The following DSTN variants were observed in gnomAD, a reference collection of about 807,000 sequenced individuals.
The protein encoded by DSTN is destrin, actin depolymerizing factor, also known as destrin.
Under a neutral mutation model 16.8 loss-of-function variants are expected in DSTN, and 10 were observed. The observed-to-expected ratio is 0.60, with a 90% CI of 0.37 to 1.01. DSTN has a LOEUF of 1.01. Among genes scored for constraint, DSTN ranks in the 50% least tolerant of loss-of-function variants. The pLI, the probability that DSTN is intolerant of heterozygous loss-of-function variation, is 0.01. For missense variants in DSTN, 141 were observed against 196.7 expected, an observed-to-expected ratio of 0.72 and a Z score of 1.69; for synonymous variants, 57 against 58.9, an observed-to-expected ratio of 0.97 and a Z score of 0.14.
chr20:17,594,082 A>AAAATAAAT (rs59974407), intron 1 of DSTN, among the ~76,000 whole-genome samples: 40,675 of 145,360 alleles, frequency 0.28, 7,058 homozygotes, highest in East Asian at 0.64. Context: ...CCGTATCTCA[A>AAAATAAAT]AAATAAATAA....
chr20:17,572,584 A>T (rs747722001), intron 1 of DSTN, among the ~76,000 whole-genome samples: 6 of 152,144 alleles, frequency 3.9e-5, no homozygotes, highest in Non-Finnish European at 5.9e-5. Flanking sequence ...CCTTATCCTA[A>T]TCTGGACTGT....
Position 17,607,212 on chromosome 20 carries a change from C to T in DSTN, c.*66C>T. On this transcript the variant is annotated 3_prime_UTR_variant, in exon 4 of 4. Transcript: ENST00000246069. ...TTATCCTCTTGCTATATAAATAAAG[C>T]AAATATATTTAGGCCAGGGTCTCAC... is the stretch of plus-strand genomic sequence containing the variant. 6.7e-7 allele frequency: 1 copy of T among 1,484,198 alleles called. No homozygotes were observed. The highest frequency in any genetic ancestry group is 9.3e-7 in the Non-Finnish European group (1 of 1,079,000). 91.9% of individuals were successfully genotyped at this position (1,484,198 alleles called of 1,614,324 possible). A position where few individuals can be genotyped will look rare whatever the true frequency, so the allele number is the denominator to read the frequency against.
chr20:17,595,752 A>G (rs966011551), intron 1 of DSTN, among the ~76,000 whole-genome samples: 1 of 152,182 alleles, frequency 6.6e-6, no homozygotes, highest in African/African-American at 2.4e-5. Context: ...TAGTGATAGT[A>G]GCTGTCTCAT....
intron 1 of DSTN, among the ~76,000 whole-genome samples, chr20:17,581,878 A>AT (rs1336936185): frequency 6.6e-6 from 1 of 152,224 alleles, no homozygotes; most frequent in Admixed American, 6.5e-5. Flanking sequence ...ATTGTAGAAC[A>AT]TTAAGAAAAA....
rs1221726458 is a variant in DSTN, at chr20:17,609,356, A to T, written c.*2210A>T. The T allele has an allele frequency of 6.6e-6, 1 of 152,242 alleles. No individual in the cohort carries two copies. The highest frequency in any genetic ancestry group is 2.4e-5 in the African/African-American group (1 of 41,442). 9.4% of individuals were successfully genotyped at this position (152,242 alleles called of 1,614,324 possible). A position where few individuals can be genotyped will look rare whatever the true frequency, so the allele number is the denominator to read the frequency against. On this transcript the variant is annotated 3_prime_UTR_variant, in exon 4 of 4. Transcript: ENST00000246069. The stretch of plus-strand genomic sequence containing the variant: ...AGTGCTGTGATTACAGGTGTGAGCC[A>T]CTGTGTCCTGCTAGTGATTGTGATT...
At chr20:17,575,970 G>T (rs2035273775) in intron 1 of DSTN, among the ~76,000 whole-genome samples, 1 of 152,174 alleles carries the variant, frequency 6.6e-6, no homozygotes, top group Non-Finnish European at 1.5e-5. Context: ...TCCTTTCATT[G>T]ATGTTGGAAG....
intron 1 of DSTN, among the ~76,000 whole-genome samples, chr20:17,572,372 TAC>T (rs569357242): frequency 8.9e-4 from 136 of 152,336 alleles, no homozygotes; most frequent in African/African-American, 2.7e-3. Flanking sequence ...AGCCTCCTTA[TAC>T]AGAGATTGTT....
At chr20:17,570,927 T>A (rs2122150434) in intron 1 of DSTN, among the ~76,000 whole-genome samples, 1 of 152,316 alleles carries the variant, frequency 6.6e-6, no homozygotes, top group East Asian at 1.9e-4. Flanking sequence ...GAATTTTTTT[T>A]CTGACCTGTA....
At chr20:17,590,507 T>A (rs1291401403) in intron 1 of DSTN, among the ~76,000 whole-genome samples, 1 of 152,218 alleles carries the variant, frequency 6.6e-6, no homozygotes, top group East Asian at 1.9e-4. Flanking sequence ...GCAACTGTTC[T>A]CCAGTGGTCA....
chr20:17,600,948 G>T lies in DSTN; in HGVS notation c.214G>T (p.Val72Leu). The change falls in exon 2 of 4, where the codon GTG (valine) becomes TTG (leucine). Residue 72 changes from valine (V) to leucine (L), a missense_variant. Physicochemically the swap from Val to Leu is conservative, Grantham distance 32. Transcript: ENST00000246069. The stretch of plus-strand genomic sequence containing the variant: ...CATAACTGATCCTTTCAAGCATTTT[G>T]TGGGAATGCTTCCTGAAAAAGATTG... ...VTITDPFKHF[V>L]GMLPEKDCRY... The T allele has an allele frequency of 6.2e-7, 1 of 1,614,056 alleles. No homozygotes were observed.
At chr20:17,603,584 G>A (rs1011421722) in intron 2 of DSTN, among the ~76,000 whole-genome samples, 2 of 152,188 alleles carry the variant, frequency 1.3e-5, no homozygotes, top group African/African-American at 4.8e-5. Context: ...AAGGACCTCC[G>A]TGCAAGCAGT....
chr20:17,572,218 A>C (rs1251988332), intron 1 of DSTN, among the ~76,000 whole-genome samples: 1 of 152,232 alleles, frequency 6.6e-6, no homozygotes, highest in African/African-American at 2.4e-5. Context: ...GAAATAAAGC[A>C]GTTTGAAACC....
At chr20:17,575,369 T>C (rs562897973) in intron 1 of DSTN, among the ~76,000 whole-genome samples, 1 of 152,332 alleles carries the variant, frequency 6.6e-6, no homozygotes, top group South Asian at 2.1e-4. Flanking sequence ...AACAACACTC[T>C]AGTCTCTGAG....
chr20:17,604,876 G>C (rs1483055599), intron 3 of DSTN, among the ~76,000 whole-genome samples: 2 of 152,134 alleles, frequency 1.3e-5, no homozygotes, highest in Admixed American at 1.3e-4. Flanking sequence ...TATATATATC[G>C]TTTATTCAGG....
At position 17,604,458 on chromosome 20, in the gene DSTN, G is replaced by T. The variant is rs554730690; in HGVS notation, c.312-97G>T. ...AAAAAATATCTCAGGAGAGTCTGAG[G>T]ATTCTCAGCAAATGTTTACACAAGC... is the stretch of plus-strand genomic sequence containing the variant. On this transcript the variant is annotated intron_variant, in intron 2 of 3. Coordinates refer to ENST00000246069, the MANE Select transcript of DSTN (RefSeq NM_006870.4). 1.8e-5 allele frequency: 22 copies of T among 1,254,406 alleles called. No individual in the cohort carries two copies. The African/African-American group carries it at 3.0e-4, about 17-fold the overall frequency. The allele number at this position is 1,254,406 out of a possible 1,614,324, so 77.7% of individuals were successfully genotyped here. A position where few individuals can be genotyped will look rare whatever the true frequency, so the allele number is the denominator to read the frequency against.
chr20:17,587,353 A>G (rs915898004), intron 1 of DSTN, among the ~76,000 whole-genome samples: 15 of 151,830 alleles, frequency 9.9e-5, no homozygotes, highest in Non-Finnish European at 1.6e-4. Flanking sequence ...TGCATTCTCC[A>G]CCTCCTGGGC....
chr20:17,600,007 T>G (rs922023185), intron 1 of DSTN, among the ~76,000 whole-genome samples: 1 of 152,230 alleles, frequency 6.6e-6, no homozygotes, highest in Non-Finnish European at 1.5e-5. Flanking sequence ...AATTAAAAAC[T>G]GGTTTAAGAT....
At chr20:17,597,489 G>A (rs957037970) in intron 1 of DSTN, among the ~76,000 whole-genome samples, 5 of 152,072 alleles carry the variant, frequency 3.3e-5, no homozygotes, top group African/African-American at 1.2e-4. Flanking sequence ...TAAATGTATG[G>A]GGGTACAAGT....
intron 1 of DSTN, among the ~76,000 whole-genome samples, chr20:17,598,224 A>T (rs73258694): frequency 0.055 from 8,293 of 150,666 alleles, 305 homozygotes; most frequent in East Asian, 0.12. Context: ...TGGAATTCCT[A>T]GGTCAGGTGT....
Sources: allele counts gnomAD v4.1 joint callset (sites outside exome capture counted in the v4.1 genomes callset), GRCh38; gene constraint gnomAD v4.1.1; transcripts MANE v1.5; gene names NCBI Gene and HGNC (gene_info 2026-07-23, HGNC 2026-07-21).